The following ACKR3 variants were observed in gnomAD, a reference collection of about 807,000 sequenced individuals.
The protein encoded by ACKR3 is atypical chemokine receptor 3.
Under a neutral mutation model 22.4 loss-of-function variants are expected in ACKR3, and 6 were observed. The ratio of observed to expected loss-of-function variants is 0.27; its 90% CI spans 0.15 to 0.53. ACKR3 has a LOEUF of 0.53. Among genes scored for constraint, ACKR3 ranks in the 20% least tolerant of loss-of-function variants. The probability of loss-of-function intolerance (pLI) is 0.96; values close to 1 mark genes in which losing one functional copy is unlikely to be tolerated. For missense variants in ACKR3, 396 were observed against 475.2 expected (o/e 0.83, Z 1.55); for synonymous variants, 209 against 205.2 (o/e 1.02, Z -0.16).
Position 236,577,973 on chromosome 2 carries a change from G to C in ACKR3, c.-26-2467G>C, listed in dbSNP as rs1691447008. Among the ~76,000 whole-genome samples the C allele has an allele frequency of 6.6e-6, 1 of 152,218 alleles. No individual in the cohort carries two copies. The highest frequency in any genetic ancestry group is 1.5e-5 in the Non-Finnish European group (1 of 68,038). ...GCTCCCCGGGACTCTGGGGTCAGAT[G>C]AGATCATGGGGGAAAGTGTTTTGGA... On this transcript the variant is annotated intron_variant, in intron 1 of 1. Transcript: ENST00000272928. This position sits in a 1 kb window ranked among gnomAD's most constrained non-coding sequence, Gnocchi z 5.6.
rs1691523048 is a variant in ACKR3 at position 236,581,174 on chromosome 2, A to C, written c.709A>C (p.Arg237=). 6.2e-7 allele frequency: 1 copy of C among 1,613,804 alleles called. No individual in the cohort carries two copies. Among genetic ancestry groups the C allele is most frequent in the Admixed American group, 1.7e-5 (1 of 60,028 alleles). ...CGCTGTCTTCTACTTCCTGCTGGCC[A>C]GAGCCATCTCGGCGTCCAGTGACCA... ...IIAVFYFLLA[R]AISASSDQEK... is the part of the protein sequence containing the mutation. Residue 237 remains arginine, a synonymous_variant, in exon 2 of 2, where the codon AGA becomes CGA. Transcript: ENST00000272928. This position sits in a 1 kb window ranked among gnomAD's most constrained non-coding sequence, Gnocchi z 4.4.
chr2:236,566,320 G>A (rs1691179354), upstream of ACKR3, among the ~76,000 whole-genome samples: 2 of 152,190 alleles, frequency 1.3e-5, no homozygotes, highest in African/African-American at 4.8e-5. Flanking sequence ...AAACATCCAG[G>A]AACTTTTAGT....
chr2:236,559,151 C>G, the ACKR3 span, among the ~76,000 whole-genome samples: 20 of 152,176 alleles, frequency 1.3e-4, no homozygotes, highest in Admixed American at 1.3e-3. Flanking sequence ...TGGCCTTACT[C>G]AGAGATCAGA....
the ACKR3 span, among the ~76,000 whole-genome samples, chr2:236,550,927 C>G: frequency 6.6e-6 from 1 of 152,214 alleles, no homozygotes; most frequent in Non-Finnish European, 1.5e-5. The surrounding 1 kb of genome is among the most constrained non-coding windows in gnomAD (Gnocchi z 4.6). Context: ...TTTCTATTTC[C>G]TACAGCTGGA....
the ACKR3 span, among the ~76,000 whole-genome samples, chr2:236,545,978 C>T: frequency 3.3e-5 from 5 of 152,166 alleles, no homozygotes; most frequent in South Asian, 2.1e-4. This position sits in a 1 kb window ranked among gnomAD's most constrained non-coding sequence, Gnocchi z 5.3. Context: ...TTTCTCAGCA[C>T]GACTACAAAG....
upstream of ACKR3, among the ~76,000 whole-genome samples, chr2:236,565,842 C>T (rs1386534825): frequency 6.6e-6 from 1 of 152,186 alleles, no homozygotes; most frequent in Non-Finnish European, 1.5e-5. Context: ...AGCCGTTGCC[C>T]TGCAGAAGGG....
At chr2:236,545,111 C>A in the ACKR3 span, among the ~76,000 whole-genome samples, 2 of 152,156 alleles carry the variant, frequency 1.3e-5, no homozygotes, top group African/African-American at 4.8e-5. This position sits in a 1 kb window ranked among gnomAD's most constrained non-coding sequence, Gnocchi z 5.3. Flanking sequence ...AGGGTATTCG[C>A]CTTCACTGCC....
the ACKR3 span, among the ~76,000 whole-genome samples, chr2:236,543,826 A>C: frequency 3.5e-3 from 531 of 151,690 alleles, 2 homozygotes; most frequent in Non-Finnish European, 5.6e-3. Context: ...GTAAATTTGA[A>C]AGATTGATGG....
chr2:236,564,337 C>T (rs995368217), upstream of ACKR3, among the ~76,000 whole-genome samples: 3 of 152,212 alleles, frequency 2.0e-5, no homozygotes, highest in African/African-American at 7.2e-5. Context: ...GATCCTGCTC[C>T]CACTCTGTGG....
At chr2:236,543,387 A>G in the ACKR3 span, among the ~76,000 whole-genome samples, 1 of 152,214 alleles carries the variant, frequency 6.6e-6, no homozygotes, top group South Asian at 2.1e-4. Flanking sequence ...AATGACTGCT[A>G]TGTTCCAAAG....
At chr2:236,553,431 A>G in the ACKR3 span, among the ~76,000 whole-genome samples, 1 of 152,254 alleles carries the variant, frequency 6.6e-6, no homozygotes, top group Admixed American at 6.5e-5. Flanking sequence ...GCAGAAAAAA[A>G]CAGGACATGG....
intron 1 of ACKR3, among the ~76,000 whole-genome samples, chr2:236,575,567 CT>C (rs1691395726): frequency 1.2e-5 from 1 of 86,520 alleles, no homozygotes; most frequent in Non-Finnish European, 2.1e-5. Flanking sequence ...GTGTGTGTGT[CT>C]GGGGTTGTGC....
chr2:236,554,311 A>G, the ACKR3 span, among the ~76,000 whole-genome samples: 1 of 152,246 alleles, frequency 6.6e-6, no homozygotes, highest in African/African-American at 2.4e-5. Flanking sequence ...TCAGGAAGAA[A>G]GTAATATTTA....
chr2:236,576,245 A>G (rs371816046), intron 1 of ACKR3, among the ~76,000 whole-genome samples: 4 of 152,312 alleles, frequency 2.6e-5, no homozygotes, highest in South Asian at 4.1e-4. Context: ...GGCCTTCCCA[A>G]CTTCCCAGCG....
intron 1 of ACKR3, among the ~76,000 whole-genome samples, chr2:236,576,321 C>T (rs990096245): frequency 6.6e-6 from 1 of 152,236 alleles, no homozygotes; most frequent in Non-Finnish European, 1.5e-5. Flanking sequence ...GCTGGCCCAT[C>T]CAGATCTGTG....
the ACKR3 span, among the ~76,000 whole-genome samples, chr2:236,543,941 G>GTA: frequency 5.7e-3 from 329 of 57,606 alleles, 5 homozygotes; most frequent in Non-Finnish European, 1.0e-2. Flanking sequence ...TGGGAGAAGG[G>GTA]TATATATATA....
rs149024287 is a variant in ACKR3, at chr2:236,574,087, C to T, written c.-27+4163C>T. The stretch of plus-strand genomic sequence containing the variant: ...GGGGGGTGATGGGCCTGCGTGCCTT[C>T]CCAATTAGCCGGCGGGGTCTCGGGG... On this transcript the variant is annotated intron_variant, in intron 1 of 1. Coordinates refer to ENST00000272928, the MANE Select transcript of ACKR3 (RefSeq NM_020311.3). This position sits in a 1 kb window ranked among gnomAD's most constrained non-coding sequence, Gnocchi z 5.6. Among the ~76,000 whole-genome samples the T allele has an allele frequency of 1.8e-3, 274 of 152,076 alleles. No individual in the cohort carries two copies. Among genetic ancestry groups the T allele is most frequent in the Non-Finnish European group, 3.3e-3 (225 of 67,988 alleles).
Position 236,574,937 on chromosome 2 carries a change from G to A in ACKR3, c.-27+5013G>A, listed in dbSNP as rs542243861. Among the ~76,000 whole-genome samples the A allele has an allele frequency of 4.6e-5, 7 of 152,152 alleles. No homozygotes were observed. The South Asian group carries it at 1.5e-3, about 32-fold the overall frequency. The stretch of plus-strand genomic sequence containing the variant: ...CTGGCAGGGATGGAGGGCTGGACAG[G>A]TGCTTGCCCACCGCCGGCCACGGGA... On this transcript the variant is annotated intron_variant, in intron 1 of 1. Coordinates refer to ENST00000272928, the MANE Select transcript of ACKR3 (RefSeq NM_020311.3). The surrounding 1 kb of genome is among the most constrained non-coding windows in gnomAD (Gnocchi z 5.6).
chr2:236,548,914 C>G, the ACKR3 span, among the ~76,000 whole-genome samples: 4 of 152,202 alleles, frequency 2.6e-5, no homozygotes, highest in Admixed American at 6.5e-5. This position sits in a 1 kb window ranked among gnomAD's most constrained non-coding sequence, Gnocchi z 4.3. Flanking sequence ...GAGTGTCATT[C>G]CTGATGACAA....
Sources: allele counts gnomAD v4.1 joint callset (sites outside exome capture counted in the v4.1 genomes callset), GRCh38; gene constraint gnomAD v4.1.1; non-coding constraint Gnocchi (gnomAD v3.1); transcripts MANE v1.5; gene names NCBI Gene and HGNC (gene_info 2026-07-23, HGNC 2026-07-21).